LDLRAD3: variants seen among roughly 807,000 people sequenced by gnomAD.
LDLRAD3 encodes low density lipoprotein receptor class A domain containing 3.
LDLRAD3 carries 20 observed loss-of-function variants against 29.4 expected under a neutral mutation model. The observed-to-expected ratio is 0.68, with a 90% confidence interval of 0.48 to 0.99. The LOEUF is 0.99. Ranked by LOEUF, LDLRAD3 falls within the 50% of genes least tolerant of loss-of-function variation. LDLRAD3 has a pLI of 0.00. For missense variants in LDLRAD3, 420 were observed against 454.3 expected (o/e 0.92, Z 0.69); for synonymous variants, 157 against 192.7 (o/e 0.81, Z 1.53).
At chr11:36,223,389 C>T (rs552052511) in intron 4 of LDLRAD3, among the ~76,000 whole-genome samples, 1 of 152,250 alleles carries the variant, frequency 6.6e-6, no homozygotes, top group African/African-American at 2.4e-5. Context: ...ATCTCTGGAC[C>T]ATTTGTTTTC....
chr11:36,154,108 C>T (rs978387762), intron 4 of LDLRAD3, among the ~76,000 whole-genome samples: 4 of 152,120 alleles, frequency 2.6e-5, no homozygotes, highest in Admixed American at 6.5e-5. Flanking sequence ...TTGACTTCCT[C>T]GGCCTCTGTT....
chr11:35,982,062 A>G lies in LDLRAD3; in HGVS notation c.46+37918A>G, dbSNP rs547224083. ...GTGCCTGCACTCAGGAACAGGCACT[A>G]TATTATTAAATAGTTTTCTGGAGTG... On this transcript the variant is annotated intron_variant, in intron 1 of 5. Transcript: ENST00000315571. Among the ~76,000 whole-genome samples the G allele has an allele frequency of 1.8e-4, 28 of 152,264 alleles. No homozygotes were observed. In the South Asian group the frequency reaches 5.0e-3, roughly 27 times the overall value.
chr11:36,027,645 A>G (rs1590213961), intron 1 of LDLRAD3, among the ~76,000 whole-genome samples: 2 of 152,088 alleles, frequency 1.3e-5, no homozygotes, highest in Admixed American at 1.3e-4. Context: ...TATTTTCCTT[A>G]TTTGCCCTGC....
At chr11:36,149,852 G>A (rs564816153) in intron 4 of LDLRAD3, among the ~76,000 whole-genome samples, 1 of 151,384 alleles carries the variant, frequency 6.6e-6, no homozygotes, top group South Asian at 2.1e-4. Flanking sequence ...TCATGAATGT[G>A]TTCCTCATGA....
At chr11:36,147,927 G>A (rs1409414109) in intron 4 of LDLRAD3, among the ~76,000 whole-genome samples, 1 of 152,066 alleles carries the variant, frequency 6.6e-6, no homozygotes, top group East Asian at 1.9e-4. Context: ...CTGGAGTGCA[G>A]TGGTGCAATC....
chr11:35,952,605 T>C (rs1851151406), intron 1 of LDLRAD3, among the ~76,000 whole-genome samples: 1 of 152,212 alleles, frequency 6.6e-6, no homozygotes, highest in African/African-American at 2.4e-5. Flanking sequence ...ATATTAATGA[T>C]AGAGATAATT....
intron 4 of LDLRAD3, among the ~76,000 whole-genome samples, chr11:36,137,236 T>C (rs1854017669): frequency 4.6e-5 from 7 of 152,178 alleles, no homozygotes. Flanking sequence ...CTGTCACTGT[T>C]TGTGTATGTA....
Position 36,002,531 on chromosome 11 carries a change from G to C in LDLRAD3, c.47-33572G>C, listed in dbSNP as rs371732020. ...CTCAAAGGCCCCATTGATACCCTCA[G>C]CTAACATCATCTCCCGGTGCTTTTT... On this transcript the variant is annotated intron_variant, in intron 1 of 5. Coordinates refer to ENST00000315571, the MANE Select transcript of LDLRAD3 (RefSeq NM_174902.4). Among the ~76,000 whole-genome samples the C allele has an allele frequency of 2.2e-4, 34 of 152,278 alleles. 1 individual carries two copies. The South Asian group carries it at 7.0e-3, about 32-fold the overall frequency.
chr11:36,110,810 A>G (rs1039129383), intron 4 of LDLRAD3, among the ~76,000 whole-genome samples: 1 of 152,246 alleles, frequency 6.6e-6, no homozygotes, highest in Non-Finnish European at 1.5e-5. Context: ...TAATAGAGGA[A>G]TGAGCAGCAT....
intron 4 of LDLRAD3, among the ~76,000 whole-genome samples, chr11:36,198,607 G>A (rs982447276): frequency 6.6e-6 from 1 of 152,166 alleles, no homozygotes; most frequent in African/African-American, 2.4e-5. Flanking sequence ...GAAGCAGGGT[G>A]GTTCTGCTTC....
intron 4 of LDLRAD3, among the ~76,000 whole-genome samples, chr11:36,175,777 T>C (rs1201369453): frequency 6.6e-6 from 1 of 152,198 alleles, no homozygotes; most frequent in African/African-American, 2.4e-5. Context: ...ATAGAATGTA[T>C]ATCTGCAGTT....
chr11:36,125,331 A>T (rs143573077), intron 4 of LDLRAD3, among the ~76,000 whole-genome samples: 1 of 152,214 alleles, frequency 6.6e-6, no homozygotes, highest in African/African-American at 2.4e-5. Flanking sequence ...CGACTATGTG[A>T]CTTTTAGGCG....
chr11:36,186,878 T>C (rs2133361960), intron 4 of LDLRAD3, among the ~76,000 whole-genome samples: 2 of 152,330 alleles, frequency 1.3e-5, no homozygotes, highest in South Asian at 4.1e-4. Context: ...GTGTGCATTT[T>C]GCTGTATGGA....
intron 3 of LDLRAD3, among the ~76,000 whole-genome samples, chr11:36,092,001 G>C (rs552095837): frequency 6.6e-6 from 1 of 152,256 alleles, no homozygotes; most frequent in Non-Finnish European, 1.5e-5. Flanking sequence ...AAGAAATGTA[G>C]TGAAATCTGA....
At chr11:36,115,700 T>C (rs1853665186) in intron 4 of LDLRAD3, among the ~76,000 whole-genome samples, 1 of 152,144 alleles carries the variant, frequency 6.6e-6, no homozygotes, top group African/African-American at 2.4e-5. Flanking sequence ...CCAGCGAGGC[T>C]GTATATGGTG....
chr11:35,950,212 A>G (rs1851113747), intron 1 of LDLRAD3, among the ~76,000 whole-genome samples: 1 of 152,138 alleles, frequency 6.6e-6, no homozygotes, highest in African/African-American at 2.4e-5. Flanking sequence ...CAGGAGTTGT[A>G]CTGATGGATC....
At chr11:36,161,591 T>G (rs1488364181) in intron 4 of LDLRAD3, among the ~76,000 whole-genome samples, 1 of 151,894 alleles carries the variant, frequency 6.6e-6, no homozygotes, top group Admixed American at 6.6e-5. Flanking sequence ...GATGGATGGA[T>G]GGATGGATGG....
At chr11:36,130,704 C>A (rs967814318) in intron 4 of LDLRAD3, among the ~76,000 whole-genome samples, 1 of 152,186 alleles carries the variant, frequency 6.6e-6, no homozygotes, top group Non-Finnish European at 1.5e-5. Context: ...AATGTTAGGT[C>A]CTTCTTACAG....
chr11:36,067,835 T>G (rs1437330547), intron 2 of LDLRAD3, among the ~76,000 whole-genome samples: 1 of 152,118 alleles, frequency 6.6e-6, no homozygotes, highest in African/African-American at 2.4e-5. Flanking sequence ...GCTAAATTTT[T>G]TTTTGTATTT....
Sources: gnomAD v4.1 joint callset for allele counts (sites outside exome capture counted in the v4.1 genomes callset) on GRCh38, gnomAD v4.1.1 for gene constraint, MANE v1.5 for transcripts, NCBI Gene and HGNC (gene_info 2026-07-23, HGNC 2026-07-21) for gene names.